ATRN: variants seen among roughly 807,000 people sequenced by gnomAD.
The protein encoded by ATRN is attractin.
In ATRN, 54 loss-of-function variants were observed where a neutral mutation model predicts 178.7. That is an observed-to-expected ratio of 0.30 (90% CI 0.24 to 0.38). ATRN has a LOEUF of 0.38. ATRN is among the 10% of genes least tolerant of loss of function. The probability of loss-of-function intolerance (pLI) is 1.00; values close to 1 mark genes in which losing one functional copy is unlikely to be tolerated. For missense variants in ATRN, 1,443 were observed against 1,815.1 expected (o/e 0.79, Z 3.73); for synonymous variants, 636 against 663.0 (o/e 0.96, Z 0.63).
At position 3,559,358 on chromosome 20, in the gene ATRN, T is replaced by G. The variant is rs747767285; in HGVS notation, c.1113-35T>G. ...AATAGTATGAGATGTTCTGTCTTAT[T>G]AGTTGGGTGAAAATATGATCTGTTT... On this transcript the variant is annotated intron_variant, in intron 6 of 28. Transcript: ENST00000262919. 2.1e-6 allele frequency: 3 copies of G among 1,427,736 alleles called. No individual in the cohort carries two copies. In the East Asian group the frequency reaches 6.8e-5, roughly 32 times the overall value. 88.4% of individuals were successfully genotyped at this position (1,427,736 alleles called of 1,614,324 possible).
chr20:3,496,663 A>G lies in ATRN; in HGVS notation c.410+25146A>G, dbSNP rs1232963959. Among the ~76,000 whole-genome samples the G allele has an allele frequency of 5.9e-5, 9 of 152,286 alleles. 1 individual carries two copies. The highest frequency in any genetic ancestry group is 3.4e-3 in the Middle Eastern group (1 of 294). ...GGGGTAGAGAGTTCTGTAGATGTCTATTAGGTCCGCTTGGTGCAGAGCTGA... is the reference window on the plus strand; with the variant it reads ...GGGGTAGAGAGTTCTGTAGATGTCTGTTAGGTCCGCTTGGTGCAGAGCTGA... On this transcript the variant is annotated intron_variant, in intron 1 of 28. Coordinates refer to ENST00000262919, the MANE Select transcript of ATRN (RefSeq NM_139321.3).
At chr20:3,643,831 A>G (rs1011617231) in intron 27 of ATRN, among the ~76,000 whole-genome samples, 3 of 152,220 alleles carry the variant, frequency 2.0e-5, no homozygotes, top group Admixed American at 2.0e-4. Context: ...ACCTACAGTT[A>G]TGAATTAGAA....
Position 3,603,433 on chromosome 20 carries a change from G to A in ATRN, c.3644-672G>A, listed in dbSNP as rs2086638535. 2.0e-5 allele frequency among the ~76,000 whole-genome samples: 3 copies of A among 152,002 alleles called. No individual in the cohort carries two copies. In the South Asian group the frequency reaches 6.2e-4, roughly 32 times the overall value. On this transcript the variant is annotated intron_variant, in intron 23 of 28. Transcript: ENST00000262919. ...TGATCATGTGTGTCACCTGTTTGGGGGTGGGGCAAGGGTGGAAGGGAGTTA... is the reference window on the plus strand; with the variant it reads ...TGATCATGTGTGTCACCTGTTTGGGAGTGGGGCAAGGGTGGAAGGGAGTTA...
At chr20:3,492,415 T>C (rs979335599) in intron 1 of ATRN, among the ~76,000 whole-genome samples, 2 of 151,894 alleles carry the variant, frequency 1.3e-5, no homozygotes, top group African/African-American at 4.8e-5. Context: ...TTGACAAGGG[T>C]AGTGACATGG....
chr20:3,597,040 G>T (rs2086539930), intron 21 of ATRN, among the ~76,000 whole-genome samples: 1 of 60,260 alleles, frequency 1.7e-5, no homozygotes, highest in African/African-American at 5.9e-5. Flanking sequence ...TGTCCACTTG[G>T]AACCTGTGAA....
At chr20:3,496,573 G>C (rs73608159) in intron 1 of ATRN, among the ~76,000 whole-genome samples, 7 of 151,872 alleles carry the variant, frequency 4.6e-5, no homozygotes, top group South Asian at 2.1e-4. Context: ...TTACTTCCAA[G>C]TATGTGGTCA....
intron 23 of ATRN, among the ~76,000 whole-genome samples, chr20:3,601,389 T>C (rs1434126447): frequency 1.3e-5 from 2 of 152,156 alleles, no homozygotes; most frequent in Admixed American, 1.3e-4. Flanking sequence ...ACATTCGTGC[T>C]TCGGAAGTGA....
intron 12 of ATRN, among the ~76,000 whole-genome samples, chr20:3,574,557 A>G (rs929045185): frequency 6.6e-6 from 1 of 152,230 alleles, no homozygotes; most frequent in Admixed American, 6.5e-5. Context: ...ACTCAGGTTC[A>G]TTGGTGGGCT....
At chr20:3,598,460 G>A (rs1191645985) in intron 22 of ATRN, among the ~76,000 whole-genome samples, 1 of 152,174 alleles carries the variant, frequency 6.6e-6, no homozygotes, top group African/African-American at 2.4e-5. Context: ...CAAGGGAGGG[G>A]ACACTCTGCT....
At chr20:3,609,714 A>ATGTGTGTGTGTGTG (rs34028518) in intron 24 of ATRN, among the ~76,000 whole-genome samples, 18 of 146,114 alleles carry the variant, frequency 1.2e-4, no homozygotes, top group African/African-American at 4.4e-4. Flanking sequence ...GTATGTATGT[A>ATGTGTGTGTGTGTG]TGTGTGTGTG....
chr20:3,546,103 G>A (rs2085697059), intron 4 of ATRN, among the ~76,000 whole-genome samples: 1 of 152,184 alleles, frequency 6.6e-6, no homozygotes, highest in Non-Finnish European at 1.5e-5. Flanking sequence ...GAAAAGGTTA[G>A]TAGATTGTCA....
intron 1 of ATRN, among the ~76,000 whole-genome samples, chr20:3,495,657 A>G (rs910207312): frequency 1.1e-4 from 17 of 152,086 alleles, no homozygotes; most frequent in African/African-American, 4.1e-4. Flanking sequence ...GTATCATTAG[A>G]GGGCTGGTTA....
rs974543073 is a variant in ATRN at position 3,502,794 on chromosome 20, C to G, written c.410+31277C>G. Among the ~76,000 whole-genome samples the G allele has an allele frequency of 2.0e-5, 3 of 152,208 alleles. No individual in the cohort carries two copies. The East Asian group carries it at 5.8e-4, about 29-fold the overall frequency. On this transcript the variant is annotated intron_variant, in intron 1 of 28. Transcript: ENST00000262919. The stretch of plus-strand genomic sequence containing the variant: ...GAGATTTTCCTCTTCAGCCCAGAGA[C>G]ACCAGGGTGGGCACTGCTTGCAAAA...
At chr20:3,573,550 A>G (rs1361432317) in intron 12 of ATRN, among the ~76,000 whole-genome samples, 3 of 151,976 alleles carry the variant, frequency 2.0e-5, no homozygotes, top group Admixed American at 6.6e-5. Flanking sequence ...ATTTTTGTCT[A>G]GCGTCTCTAG....
intron 1 of ATRN, among the ~76,000 whole-genome samples, chr20:3,499,631 A>G (rs1306790917): frequency 6.7e-6 from 1 of 148,246 alleles, no homozygotes; most frequent in Non-Finnish European, 1.5e-5. Context: ...GGCTAGCCAT[A>G]TGTAGAAAGC....
intron 19 of ATRN, among the ~76,000 whole-genome samples, chr20:3,594,210 A>G (rs760282016): frequency 3.9e-5 from 6 of 152,242 alleles, no homozygotes; most frequent in Admixed American, 1.3e-4. Context: ...AAGAGAGTCT[A>G]TTGAAAAGAT....
chr20:3,607,106 TTTAC>T (rs1334006504), intron 24 of ATRN, among the ~76,000 whole-genome samples: 1 of 152,206 alleles, frequency 6.6e-6, no homozygotes, highest in East Asian at 1.9e-4. Flanking sequence ...TATTTTTAAT[TTTAC>T]TTTTTAAATT....
intron 25 of ATRN, chr20:3,629,362 A>G: frequency 2.2e-6 from 2 of 928,156 alleles, no homozygotes; most frequent in Non-Finnish European, 2.6e-6. Context: ...TACCAGGACC[A>G]TCTCCTATGT....
chr20:3,584,681 T>C lies in ATRN; in HGVS notation c.2985T>C (p.His995=), dbSNP rs773620382. The C allele has an allele frequency of 1.7e-5, 27 of 1,613,986 alleles. No individual in the cohort carries two copies. Among genetic ancestry groups the C allele is most frequent in the Non-Finnish European group, 2.2e-5 (26 of 1,180,002 alleles). Residue 995 remains histidine (H), a synonymous_variant, in exon 18 of 29, where the codon CAT becomes CAC. Transcript: ENST00000262919. Reference sequence around the variant, plus strand: ...GTTCAGGCTACTGTACCTGTAGTCATTGCTTGGAGCAACCAGGCTGTGGCT... The same window carrying C: ...GTTCAGGCTACTGTACCTGTAGTCACTGCTTGGAGCAACCAGGCTGTGGCT... ...ENCSGYCTCS[H]CLEQPGCGWC... is the part of the protein sequence containing the mutation.
Sources: allele counts gnomAD v4.1 joint callset (sites outside exome capture counted in the v4.1 genomes callset), GRCh38; gene constraint gnomAD v4.1.1; transcripts MANE v1.5; gene names NCBI Gene and HGNC (gene_info 2026-07-23, HGNC 2026-07-21).